NOL6: variants seen among roughly 807,000 people sequenced by gnomAD.
NOL6 encodes nucleolar protein 6.
In NOL6, 33 loss-of-function variants were observed where a neutral mutation model predicts 131.7. The observed-to-expected ratio is 0.25, with a 90% confidence interval of 0.19 to 0.33. The LOEUF is 0.33. Ranked by LOEUF, NOL6 falls within the 10% of genes least tolerant of loss-of-function variation. The pLI is 1.00. For missense variants in NOL6, 1,297 were observed against 1,494.5 expected, an observed-to-expected ratio of 0.87 and a Z score of 2.18; for synonymous variants, 580 against 605.7, an observed-to-expected ratio of 0.96 and a Z score of 0.62.
Position 33,463,261 on chromosome 9 carries a change from G to T in NOL6, c.3175C>A (p.Leu1059Met). 1 of 1,613,634 alleles carries T rather than the reference G, an allele frequency of 6.2e-7. No individual in the cohort carries two copies. The highest frequency in any genetic ancestry group is 8.5e-7 in the Non-Finnish European group (1 of 1,179,602). ...TTAGGACCAACCCTGAGCTGCGTCA[G>T]ATAGAGCTGAGGAGGATCATAGCCC... ...VLGYDPPQLY[L>M]TQLREAFGDL... Residue 1059 changes from leucine to methionine, a missense_variant, in exon 24 of 26, where the codon CTG becomes ATG. By Grantham distance (15) the Leu-to-Met change is conservative (BLOSUM62 2). Transcript: ENST00000297990.
At chr9:33,469,434 T>G in intron 5 of NOL6, 65 bp downstream of exon 5, 1 of 1,597,272 alleles carries the variant, frequency 6.3e-7, no homozygotes, top group Non-Finnish European at 8.5e-7. Flanking sequence ...CCTCCGTGCC[T>G]CTGTGCCTTC....
At chr9:33,465,557 G>A (rs1403756098) in intron 19 of NOL6, among the ~76,000 whole-genome samples, 177 bp downstream of exon 19, 2 of 152,196 alleles carry the variant, frequency 1.3e-5, no homozygotes, top group Admixed American at 6.5e-5. Context: ...AGGAAAATCT[G>A]ACCATAGGGT....
In NOL6 at chr9:33,468,419, C is replaced by T. The variant is rs1044500815; in HGVS notation, c.1210G>A (p.Ala404Thr). Residue 404 changes from alanine (A) to threonine (T), a missense_variant, in exon 10 of 26, where the codon GCC (alanine) becomes ACC (threonine). Coordinates refer to ENST00000297990, the MANE Select transcript of NOL6 (RefSeq NM_022917.5). ...LCLSSDPSLPALADFHQAFSV... is the reference protein window; with the variant it reads ...LCLSSDPSLPTLADFHQAFSV... ...AAGGCCTGGTGGAAGTCAGCCAGGG[C>T]CGGCTTGGGGGGTGTAGAGAGAAGC... 6.2e-7 allele frequency: 1 copy of T among 1,614,068 alleles called. No homozygotes were observed. The highest frequency in any genetic ancestry group is 8.5e-7 in the Non-Finnish European group (1 of 1,179,996).
At chr9:33,473,734 T>G in intron 1 of NOL6, 55 bp downstream of exon 1, 4 of 1,597,902 alleles carry the variant, frequency 2.5e-6, no homozygotes, top group Non-Finnish European at 3.4e-6. Context: ...TCTCGGGCCC[T>G]GCAGCCAAGG....
At position 33,467,264 on chromosome 9, in the gene NOL6, T is replaced by A; in HGVS notation, c.1726-2A>T. On this transcript the variant is annotated splice_acceptor_variant, in intron 13 of 25. Transcript: ENST00000297990. LOFTEE classifies it high-confidence loss of function. The surrounding 1 kb of genome is among the most constrained non-coding windows in gnomAD (Gnocchi z 4.4). Reference sequence around the variant, plus strand: ...CCAGAACTGGCGGAATTTAGCAGCCTGAGGAGGCAAGGGTGGTAGTAGAGC... The same window carrying A: ...CCAGAACTGGCGGAATTTAGCAGCCAGAGGAGGCAAGGGTGGTAGTAGAGC... 6.2e-7 allele frequency: 1 copy of A among 1,614,084 alleles called. No individual in the cohort carries two copies. Among genetic ancestry groups the A allele is most frequent in the Non-Finnish European group, 8.5e-7 (1 of 1,179,958 alleles).
chr9:33,462,663 A>C lies in NOL6; in HGVS notation c.*1T>G, dbSNP rs1827129120. 6.2e-7 allele frequency: 1 copy of C among 1,613,880 alleles called. No homozygotes were observed. Among genetic ancestry groups the C allele is most frequent in the African/African-American group, 1.3e-5 (1 of 74,916 alleles). The stretch of plus-strand genomic sequence containing the variant: ...GTCTACAGCTTGCTCCAGAGCTGGG[A>C]TCACACAGTCCACCTCTCACTTCGG... On this transcript the variant is annotated 3_prime_UTR_variant, in exon 26 of 26. Transcript: ENST00000297990.
At chr9:33,472,451 G>A (rs1483726494) in intron 1 of NOL6, 39 bp from the exon 2 acceptor site, 2 of 1,547,102 alleles carry the variant, frequency 1.3e-6, no homozygotes, top group Admixed American at 1.8e-5. Context: ...GAGGTAATAG[G>A]TATCTAGCAT....
In NOL6 at chr9:33,466,717, G is replaced by T. The variant is rs1827254776; in HGVS notation, c.1951-8C>A. 1.2e-6 allele frequency: 2 copies of T among 1,613,292 alleles called. No individual in the cohort carries two copies. The highest frequency in any genetic ancestry group is 1.3e-5 in the African/African-American group (1 of 74,920). ...CTCACCTGTGCTGGAGGTCTGAGAG[G>T]GAGAAGACGGTCAGGAGGCTGGACC... On this transcript the variant is annotated splice_region_variant and splice_polypyrimidine_tract_variant and intron_variant, in intron 15 of 25. Coordinates refer to ENST00000297990, the MANE Select transcript of NOL6 (RefSeq NM_022917.5).
Position 33,466,277 on chromosome 9 carries a change from C to T in NOL6, c.2209+31G>A, listed in dbSNP as rs373082069. On this transcript the variant is annotated intron_variant, in intron 17 of 25. Transcript: ENST00000297990. ...TACTGTGGCCTGGAGCTGGAACTAT[C>T]CCTCCCACTCCCTCCCAAGGGCCCT... The T allele has an allele frequency of 5.6e-5, 91 of 1,613,420 alleles. No individual in the cohort carries two copies. In the African/African-American group the frequency reaches 9.3e-4, roughly 17 times the overall value.
intron 3 of NOL6, among the ~76,000 whole-genome samples, chr9:33,470,985 G>A (rs758733712): frequency 1.3e-4 from 20 of 151,692 alleles, no homozygotes; most frequent in South Asian, 8.3e-4. Flanking sequence ...AAAAGTGAAC[G>A]TTTTAGGCTG....
At chr9:33,464,587 C>G (rs946529611) in intron 21 of NOL6, among the ~76,000 whole-genome samples, 5 of 152,134 alleles carry the variant, frequency 3.3e-5, no homozygotes, top group African/African-American at 1.2e-4. Flanking sequence ...CTTCCTAGCT[C>G]CGTGCCCTAA....
chr9:33,468,795 G>C lies in NOL6; in HGVS notation c.1104C>G (p.Thr368=). The change falls in exon 8 of 26, where the codon ACC becomes ACG. Residue 368 remains threonine, a synonymous_variant. Coordinates refer to ENST00000297990, the MANE Select transcript of NOL6 (RefSeq NM_022917.5). ...TTCTCAGGACCTGGTAGCCACTCATGGTGGTATGGATCTTGCGTGTAGACA... is the reference window on the plus strand; with the variant it reads ...TTCTCAGGACCTGGTAGCCACTCATCGTGGTATGGATCTTGCGTGTAGACA... The part of the protein sequence containing the change: ...FLVSTRKIHT[T]MSGYQVLRSV... 2 of 1,614,174 alleles carry C rather than the reference G, an allele frequency of 1.2e-6. No individual in the cohort carries two copies. Among genetic ancestry groups the C allele is most frequent in the South Asian group, 2.2e-5 (2 of 91,082 alleles).
At position 33,468,891 on chromosome 9, in the gene NOL6, G is replaced by A. The variant is rs745428656; in HGVS notation, c.1027-19C>T. 1.9e-6 allele frequency: 3 copies of A among 1,614,048 alleles called. No individual in the cohort carries two copies. In the Admixed American group the frequency reaches 5.0e-5, roughly 27 times the overall value. Reference sequence around the variant, plus strand: ...CCTGGCCCTGAAAGAGACAGGGAGAGGCTGAGGTCAGAGCCTGCCCATCAC... The same window carrying A: ...CCTGGCCCTGAAAGAGACAGGGAGAAGCTGAGGTCAGAGCCTGCCCATCAC... On this transcript the variant is annotated intron_variant, in intron 7 of 25. Transcript: ENST00000297990.
At position 33,464,027 on chromosome 9, in the gene NOL6, G is replaced by A. The variant is rs1441627689; in HGVS notation, c.2904+10C>T. 4 of 1,613,122 alleles carry A rather than the reference G, an allele frequency of 2.5e-6. No homozygotes were observed. Among genetic ancestry groups the A allele is most frequent in the Non-Finnish European group, 3.4e-6 (4 of 1,179,232 alleles). On this transcript the variant is annotated intron_variant, in intron 22 of 25. Transcript: ENST00000297990. ...AAACCACACATTAGGGGGCAGGTAT[G>A]GGGTTGAACCTGGGCTGAGGGTCCA...
intron 4 of NOL6, 137 bp downstream of exon 4, chr9:33,469,875 G>A: frequency 9.4e-7 from 1 of 1,063,660 alleles, no homozygotes; most frequent in Non-Finnish European, 1.3e-6. Context: ...GCTGCCTTCA[G>A]GATGCCTGCA....
At chr9:33,472,680 GACTGGGCCCAGGCTGGAC>G in intron 1 of NOL6, 1 of 514,546 alleles carries the variant, frequency 1.9e-6, no homozygotes, top group East Asian at 3.5e-5. Context: ...GATAGAAGCT[GACTGGGCCCAGGCTGGAC>G]ACGGTGGCTG....
Position 33,469,742 on chromosome 9 carries a change from G to A in NOL6, c.559-75C>T, listed in dbSNP as rs543887442. On this transcript the variant is annotated intron_variant, in intron 4 of 25. Coordinates refer to ENST00000297990, the MANE Select transcript of NOL6 (RefSeq NM_022917.5). ...AGCTGTGGGCCAAGGTGAAACCAAG[G>A]TGAGAGAGCCAGGGCTCCTCTGCTG... 3.9e-5 allele frequency: 61 copies of A among 1,547,450 alleles called. No individual in the cohort carries two copies. The East Asian group carries it at 1.3e-3, about 33-fold the overall frequency.
chr9:33,462,299 C>G lies in NOL6; in HGVS notation c.*365G>C, dbSNP rs1827114660. On this transcript the variant is annotated 3_prime_UTR_variant, in exon 26 of 26. Transcript: ENST00000297990. ...AAGGAGACAGAGCCTCTCCCAGGCA[C>G]ACATCCCCTTCTCTGTTTCTGGAAG... 1 of 707,478 alleles carries G rather than the reference C, an allele frequency of 1.4e-6. No individual in the cohort carries two copies. The highest frequency in any genetic ancestry group is 1.7e-5 in the African/African-American group (1 of 57,180). 43.8% of individuals were successfully genotyped at this position (707,478 alleles called of 1,614,324 possible). A position where few individuals can be genotyped will look rare whatever the true frequency, so the allele number is the denominator to read the frequency against.
chr9:33,467,351 G>A lies in NOL6; in HGVS notation c.1725+43C>T, dbSNP rs561539422. 22 of 1,610,618 alleles carry A rather than the reference G, an allele frequency of 1.4e-5. No homozygotes were observed. Among genetic ancestry groups the A allele is most frequent in the African/African-American group, 4.0e-5 (3 of 74,972 alleles). On this transcript the variant is annotated intron_variant, in intron 13 of 25. Coordinates refer to ENST00000297990, the MANE Select transcript of NOL6 (RefSeq NM_022917.5). The surrounding 1 kb of genome is among the most constrained non-coding windows in gnomAD (Gnocchi z 4.4). ...GCTTCAGTCCAGGTGCCATGAGGAC[G>A]AGCCACCCCATTCCTTCCAGTGTAC...
Sources: gnomAD v4.1 joint callset for allele counts (sites outside exome capture counted in the v4.1 genomes callset) on GRCh38, gnomAD v4.1.1 for gene constraint, Gnocchi (gnomAD v3.1) non-coding constraint, MANE v1.5 for transcripts, NCBI Gene and HGNC (gene_info 2026-07-23, HGNC 2026-07-21) for gene names.